The following ITSN1 variants were observed in gnomAD, a reference collection of about 807,000 sequenced individuals.
ITSN1 encodes the protein intersectin 1.
ITSN1 carries 58 observed loss-of-function variants against 239.8 expected under a neutral mutation model. That is an observed-to-expected ratio of 0.24 (90% CI 0.20 to 0.30). The LOEUF is 0.30. ITSN1 is among the 10% of genes least tolerant of loss of function. ITSN1 has a pLI of 1.00. For synonymous variants in ITSN1, 780 were observed against 770.8 expected, an observed-to-expected ratio of 1.01 and a Z score of -0.20; for missense variants, 1,558 against 2,103.3, an observed-to-expected ratio of 0.74 and a Z score of 5.07.
chr21:33,884,581 A>C (rs1985472564), intron 36 of ITSN1, among the ~76,000 whole-genome samples: 1 of 152,242 alleles, frequency 6.6e-6, no homozygotes, highest in African/African-American at 2.4e-5. Context: ...ATGAAGGAGA[A>C]AACCGCGGCC....
At chr21:33,758,420 A>G (rs1429983045) in intron 8 of ITSN1, among the ~76,000 whole-genome samples, 1 of 152,206 alleles carries the variant, frequency 6.6e-6, no homozygotes, top group Non-Finnish European at 1.5e-5. Flanking sequence ...TGGCCTTAAT[A>G]GTGGCACTGT....
chr21:33,837,027 C>T (rs754292492), intron 29 of ITSN1: 3 of 1,613,146 alleles, frequency 1.9e-6, no homozygotes, highest in South Asian at 1.1e-5. Flanking sequence ...CTTGAAAGTC[C>T]TCAAAGAGAC....
At chr21:33,686,714 A>G (rs980687287) in intron 1 of ITSN1, among the ~76,000 whole-genome samples, 28 of 152,118 alleles carry the variant, frequency 1.8e-4, no homozygotes, top group African/African-American at 4.8e-4. Context: ...TGGATGATCT[A>G]CTTGTCTAAC....
In ITSN1 at chr21:33,741,618, C is replaced by T. The variant is rs139972088; in HGVS notation, c.346+6414C>T. On this transcript the variant is annotated intron_variant, in intron 5 of 39. Transcript: ENST00000381318. ...TTTTTAAAAATGAAAATAGGCCGGG[C>T]GCAGTGACTCACGCCTGTAATCCCA... Among the ~76,000 whole-genome samples, 283 of 152,098 alleles carry T rather than the reference C, an allele frequency of 1.9e-3. 1 individual carries two copies. Among genetic ancestry groups the T allele is most frequent in the African/African-American group, 6.6e-3 (272 of 41,498 alleles).
chr21:33,853,581 C>T (rs910558903), intron 29 of ITSN1, among the ~76,000 whole-genome samples: 14 of 152,154 alleles, frequency 9.2e-5, no homozygotes, highest in African/African-American at 2.7e-4. Flanking sequence ...TCCTTCTTTC[C>T]GATTCCTCAT....
At chr21:33,738,929 G>GGACT (rs957214716) in intron 5 of ITSN1, among the ~76,000 whole-genome samples, 13 of 151,952 alleles carry the variant, frequency 8.6e-5, no homozygotes, top group Non-Finnish European at 1.6e-4. Context: ...TGTGTAGCTG[G>GGACT]GACTACAGGC....
chr21:33,826,694 A>G (rs971596044), intron 25 of ITSN1, 124 bp from the exon 26 acceptor site: 21 of 781,944 alleles, frequency 2.7e-5, no homozygotes, highest in Non-Finnish European at 4.5e-5. Flanking sequence ...ATACAGTGCT[A>G]TGTTTTCCCA....
chr21:33,794,242 G>C (rs1182596248), intron 16 of ITSN1, 99 bp from the exon 17 acceptor site: 2 of 861,374 alleles, frequency 2.3e-6, no homozygotes, highest in Admixed American at 2.3e-5. Flanking sequence ...TATCTCCTAA[G>C]TGTCCTAGGC....
intron 1 of ITSN1, among the ~76,000 whole-genome samples, chr21:33,644,117 G>C (rs944348059): frequency 6.6e-6 from 1 of 152,222 alleles, no homozygotes; most frequent in Non-Finnish European, 1.5e-5. Flanking sequence ...GAGTGCAGAA[G>C]CTTAAACATC....
At position 33,757,379 on chromosome 21, in the gene ITSN1, G is replaced by A. The variant is rs555306825; in HGVS notation, c.724+1982G>A. Among the ~76,000 whole-genome samples the A allele has an allele frequency of 3.3e-5, 5 of 152,190 alleles. No individual in the cohort carries two copies. In the South Asian group the frequency reaches 1.0e-3, roughly 32 times the overall value. ...AGAAAGTAAAATTTGAAATATACTGGAAAGAAAGCAGATTTTGATATTGTT... is the reference window on the plus strand; with the variant it reads ...AGAAAGTAAAATTTGAAATATACTGAAAAGAAAGCAGATTTTGATATTGTT... On this transcript the variant is annotated intron_variant, in intron 8 of 39. Transcript: ENST00000381318.
intron 1 of ITSN1, among the ~76,000 whole-genome samples, chr21:33,657,857 A>G (rs181249574): frequency 6.6e-6 from 1 of 152,050 alleles, no homozygotes; most frequent in Non-Finnish European, 1.5e-5. Flanking sequence ...ATGGTGGTGT[A>G]CTCTTGTAGT....
At chr21:33,885,017 A>C (rs1569344308) in intron 36 of ITSN1, 24 bp from the exon 37 acceptor site, 1 of 1,603,088 alleles carries the variant, frequency 6.2e-7, no homozygotes, top group African/African-American at 1.3e-5. Context: ...CTGTTTGGCA[A>C]CTTTCTGTCT....
intron 33 of ITSN1, among the ~76,000 whole-genome samples, 163 bp downstream of exon 33, chr21:33,867,494 A>G (rs1331470507): frequency 3.9e-5 from 6 of 151,988 alleles, no homozygotes; most frequent in Admixed American, 3.9e-4. Flanking sequence ...TCAGAAAGAA[A>G]AGCTGGTTTA....
intron 33 of ITSN1, among the ~76,000 whole-genome samples, chr21:33,871,404 TG>T (rs1488162748): frequency 1.3e-5 from 2 of 150,358 alleles, no homozygotes; most frequent in African/African-American, 2.5e-5. Flanking sequence ...CACTCCAGCC[TG>T]GGTGACAGAG....
At chr21:33,766,601 C>A (rs1157660807) in intron 10 of ITSN1, among the ~76,000 whole-genome samples, 1 of 152,142 alleles carries the variant, frequency 6.6e-6, no homozygotes, top group East Asian at 1.9e-4. Flanking sequence ...CTTACAAGTA[C>A]AAAGGAGAAT....
chr21:33,898,623 A>T lies in ITSN1; in HGVS notation c.*10323A>T, dbSNP rs1986922384. ...CAGCCTCCCCTGGCAGCCTGGAAAT[A>T]CTGCAGTAACAAAAAGAGCTGGTTT... On this transcript the variant is annotated 3_prime_UTR_variant, in exon 40 of 40. Coordinates refer to ENST00000381318, the MANE Select transcript of ITSN1 (RefSeq NM_003024.3). 1 of 152,288 alleles carries T rather than the reference A, an allele frequency of 6.6e-6. No individual in the cohort carries two copies. The highest frequency in any genetic ancestry group is 2.4e-5 in the African/African-American group (1 of 41,468). The allele number at this position is 152,288 out of a possible 1,614,324, so 9.4% of individuals were successfully genotyped here. A position where few individuals can be genotyped will look rare whatever the true frequency, so the allele number is the denominator to read the frequency against.
chr21:33,746,061 C>A (rs1954695890), intron 5 of ITSN1, among the ~76,000 whole-genome samples: 1 of 152,106 alleles, frequency 6.6e-6, no homozygotes, highest in Admixed American at 6.5e-5. Flanking sequence ...GACTACTGTG[C>A]TACAAAGATG....
In ITSN1 at chr21:33,821,174, G is replaced by T. The variant is rs566161748; in HGVS notation, c.3016+1851G>T. Among the ~76,000 whole-genome samples the T allele has an allele frequency of 5.3e-5, 8 of 152,340 alleles. No homozygotes were observed. The East Asian group carries it at 1.3e-3, about 26-fold the overall frequency. ...CCAATAGCAGTATGGAGGAGTGTTT[G>T]TTTGTTTTGAGACATGTACTGAGGA... is the stretch of plus-strand genomic sequence containing the variant. On this transcript the variant is annotated intron_variant, in intron 24 of 39. Coordinates refer to ENST00000381318, the MANE Select transcript of ITSN1 (RefSeq NM_003024.3).
chr21:33,862,542 C>T (rs763488967), intron 31 of ITSN1, among the ~76,000 whole-genome samples: 17 of 152,182 alleles, frequency 1.1e-4, no homozygotes, highest in Middle Eastern at 3.4e-3. Flanking sequence ...TCCAGCAGGG[C>T]GGGAAGTGCA....
Sources: gnomAD v4.1 joint callset for allele counts (sites outside exome capture counted in the v4.1 genomes callset) on GRCh38, gnomAD v4.1.1 for gene constraint, MANE v1.5 for transcripts, NCBI Gene and HGNC (gene_info 2026-07-23, HGNC 2026-07-21) for gene names.